The following SMARCA2 variants were observed in gnomAD, a reference collection of about 807,000 sequenced individuals.
The protein encoded by SMARCA2 is SWI/SNF related BAF chromatin remodeling complex subunit ATPase 2, also known as SWI/SNF-related matrix-associated actin-dependent regulator of chromatin subfamily A member 2.
In SMARCA2, 61 loss-of-function variants were observed where a neutral mutation model predicts 199.8. The observed-to-expected ratio is 0.31, with a 90% CI of 0.25 to 0.38. The LOEUF (loss-of-function observed/expected upper bound fraction) is 0.38, where lower values mean the gene tolerates loss of function less well. Ranked by LOEUF, SMARCA2 falls within the 10% of genes least tolerant of loss-of-function variation. The pLI is 1.00. For missense variants in SMARCA2, 1,344 were observed against 2,012.2 expected (o/e 0.67, Z 6.35); for synonymous variants, 935 against 732.0 (o/e 1.28, Z -4.48).
rs759706713 is a variant in SMARCA2 at position 2,161,936 on chromosome 9, C to G, written c.4199+33C>G. The G allele has an allele frequency of 1.3e-6, 2 of 1,570,244 alleles. No homozygotes were observed. The highest frequency in any genetic ancestry group is 1.7e-6 in the Non-Finnish European group (2 of 1,142,998). Reference sequence around the variant, plus strand: ...TTTGGTTCCTTCACCTTGATCATCTCTCACCAAGACGCCGAGTGGCGCTCC... The same window carrying G: ...TTTGGTTCCTTCACCTTGATCATCTGTCACCAAGACGCCGAGTGGCGCTCC... On this transcript the variant is annotated intron_variant, in intron 28 of 33. Transcript: ENST00000349721. This position sits in a 1 kb window ranked among gnomAD's most constrained non-coding sequence, Gnocchi z 4.7.
At chr9:2,059,696 T>A (rs1425031184) in intron 8 of SMARCA2, among the ~76,000 whole-genome samples, 1 of 152,020 alleles carries the variant, frequency 6.6e-6, no homozygotes, top group Non-Finnish European at 1.5e-5. Flanking sequence ...GCAATTAGAG[T>A]TATAATAGCA....
At chr9:2,055,894 GGACT>G (rs1820331159) in intron 6 of SMARCA2, among the ~76,000 whole-genome samples, 1 of 152,128 alleles carries the variant, frequency 6.6e-6, no homozygotes, top group African/African-American at 2.4e-5. Flanking sequence ...TTGCCATGAC[GGACT>G]CTTATTGATT....
At chr9:2,102,316 C>G (rs73638382) in intron 22 of SMARCA2, among the ~76,000 whole-genome samples, 2,776 of 152,296 alleles carry the variant, frequency 0.018, 83 homozygotes, top group African/African-American at 0.063. Context: ...TTGCCTCTCT[C>G]TTCTCTGGGT....
chr9:2,058,176 G>C (rs976069004), intron 7 of SMARCA2, 115 bp from the exon 8 acceptor site: 36 of 874,144 alleles, frequency 4.1e-5, no homozygotes, highest in Non-Finnish European at 6.4e-5. Flanking sequence ...ACAGATTCTA[G>C]TCTTCCTATG....
At chr9:2,158,812 A>G (rs1429955158) in intron 27 of SMARCA2, 2 of 706,982 alleles carry the variant, frequency 2.8e-6, no homozygotes, top group Non-Finnish European at 2.2e-6. Context: ...ATGTGCGAAA[A>G]GCATTGGGAA....
In SMARCA2 at chr9:2,029,088, C is replaced by G; in HGVS notation, c.66C>G (p.Ser22=). 1 of 1,582,574 alleles carries G rather than the reference C, an allele frequency of 6.3e-7. No individual in the cohort carries two copies. The highest frequency in any genetic ancestry group is 8.6e-7 in the Non-Finnish European group (1 of 1,162,630). Residue 22 remains serine (S), a synonymous_variant, in exon 2 of 34, where the codon TCC becomes TCG. Coordinates refer to ENST00000349721, the MANE Select transcript of SMARCA2 (RefSeq NM_003070.5). ...GGCCTTCGCCGGGGCCTGGGCCTTC[C>G]CCTGGGCCAATTCTTGGGCCTAGTC... ...HPGPSPGPGP[S]PGPILGPSPG...
At chr9:2,171,754 A>AGGAG (rs1412141008) in intron 29 of SMARCA2, among the ~76,000 whole-genome samples, 4 of 152,326 alleles carry the variant, frequency 2.6e-5, no homozygotes, top group African/African-American at 9.6e-5. Context: ...ATACCTAGAA[A>AGGAG]GGAGGCCTTA....
intron 29 of SMARCA2, among the ~76,000 whole-genome samples, chr9:2,177,702 G>C (rs762456814): frequency 1.3e-5 from 2 of 151,766 alleles, no homozygotes; most frequent in Admixed American, 6.6e-5. Flanking sequence ...ACAGGCATGC[G>C]CCACCACACC....
chr9:2,020,406 A>G (rs947777367), intron 1 of SMARCA2, among the ~76,000 whole-genome samples: 3 of 152,180 alleles, frequency 2.0e-5, no homozygotes, highest in African/African-American at 7.2e-5. Context: ...TAAGTAGTGA[A>G]TAGAAAATAC....
intron 27 of SMARCA2, among the ~76,000 whole-genome samples, chr9:2,125,893 A>G (rs1260557751): frequency 6.6e-6 from 1 of 152,268 alleles, no homozygotes; most frequent in East Asian, 1.9e-4. Context: ...TTAACTTCTT[A>G]AAAATAATCA....
chr9:2,160,052 G>A (rs1825582657), intron 27 of SMARCA2: 1 of 1,039,912 alleles, frequency 9.6e-7, no homozygotes, highest in Non-Finnish European at 1.4e-6. Flanking sequence ...ACCATTAACT[G>A]TTGACAGCCT....
chr9:2,182,478 C>CT (rs145095906), intron 31 of SMARCA2, among the ~76,000 whole-genome samples: 2,696 of 96,652 alleles, frequency 0.028, 164 homozygotes, highest in Non-Finnish European at 0.038. Flanking sequence ...AGCTTATAGT[C>CT]TTTTTTTTTT....
rs1178948192 is a variant in SMARCA2, at chr9:2,193,596, C to T, written c.*857C>T. The stretch of plus-strand genomic sequence containing the variant: ...CGAAGAATGTGGTGTTGGTGCTTTC[C>T]TAATAAAGAAATAATTTAGCTTGAC... On this transcript the variant is annotated 3_prime_UTR_variant, in exon 34 of 34. Transcript: ENST00000349721. 6.6e-6 allele frequency: 1 copy of T among 152,644 alleles called. No homozygotes were observed. The allele number at this position is 152,644 out of a possible 1,614,324, so 9.5% of individuals were successfully genotyped here.
At chr9:2,185,607 G>C (rs1326199911) in intron 31 of SMARCA2, among the ~76,000 whole-genome samples, 1 of 152,108 alleles carries the variant, frequency 6.6e-6, no homozygotes, top group African/African-American at 2.4e-5. Context: ...ATATCTTTCA[G>C]CACCTACCCA....
intron 3 of SMARCA2, among the ~76,000 whole-genome samples, chr9:2,038,704 T>C (rs1819441755): frequency 6.6e-6 from 1 of 152,158 alleles, no homozygotes; most frequent in Non-Finnish European, 1.5e-5. Flanking sequence ...TTATATTACC[T>C]TTTCATACCC....
At chr9:2,148,259 T>G (rs190785334) in intron 27 of SMARCA2, among the ~76,000 whole-genome samples, 3 of 151,750 alleles carry the variant, frequency 2.0e-5, no homozygotes, top group Admixed American at 2.0e-4. Flanking sequence ...ATAACTAACA[T>G]CAACATGTTT....
intron 22 of SMARCA2, among the ~76,000 whole-genome samples, chr9:2,103,661 T>TGAGAGAGA (rs34122859): frequency 4.4e-4 from 63 of 142,336 alleles, no homozygotes; most frequent in African/African-American, 1.5e-3. Context: ...TGTGTGTGTG[T>TGAGAGAGA]GAGAGAGAGA....
In SMARCA2 at chr9:2,076,228, G is replaced by A; in HGVS notation, c.1936-1G>A. 1 of 1,554,482 alleles carries A rather than the reference G, an allele frequency of 6.4e-7. No homozygotes were observed. The highest frequency in any genetic ancestry group is 8.9e-7 in the Non-Finnish European group (1 of 1,126,992). The stretch of plus-strand genomic sequence containing the variant: ...CCTCCCTATCTTTGTTCCTTTTCCA[G>A]GATGAGGAAGAAGAGTCCAGTAGGC... On this transcript the variant is annotated splice_acceptor_variant, in intron 12 of 33. Coordinates refer to ENST00000349721, the MANE Select transcript of SMARCA2 (RefSeq NM_003070.5). LOFTEE classifies it high-confidence loss of function.
chr9:2,033,000 G>A lies in SMARCA2; in HGVS notation c.274G>A (p.Gly92Arg), dbSNP rs1316406047. 2 of 1,613,922 alleles carry A rather than the reference G, an allele frequency of 1.2e-6. No individual in the cohort carries two copies. Among genetic ancestry groups the A allele is most frequent in the East Asian group, 2.2e-5 (1 of 44,884 alleles). ...GGGGATTGTAGAAGACATCCATTGT[G>A]GATCCATGAAGGGCACTGGTATGCG... ...DKGIVEDIHC[G>R]SMKGTGMRPP... is the part of the protein sequence containing the mutation. Residue 92 changes from glycine (G) to arginine (R), a missense_variant, in exon 3 of 34, where the codon GGA becomes AGA. By Grantham distance (125) the Gly-to-Arg change is moderately radical (BLOSUM62 -2). Around this residue, in one of 18 missense-constraint regions of SMARCA2, gnomAD observed 275 missense variants for 247.5 expected, o/e 1.11. Transcript: ENST00000349721.
Sources: gnomAD v4.1 joint callset for allele counts (sites outside exome capture counted in the v4.1 genomes callset) on GRCh38, gnomAD v4.1.1 for gene constraint, gnomAD v4.1.1 regional missense constraint, Gnocchi (gnomAD v3.1) non-coding constraint, MANE v1.5 for transcripts, NCBI Gene and HGNC (gene_info 2026-07-23, HGNC 2026-07-21) for gene names.